Variants in NPAS3 observed in about 807,000 individuals in gnomAD.
NPAS3 encodes the protein neuronal PAS domain protein 3.
In NPAS3, 14 loss-of-function variants were observed where a neutral mutation model predicts 73.1. That is an observed-to-expected ratio of 0.19 (90% confidence interval 0.13 to 0.30). NPAS3 has a LOEUF of 0.30. Ranked by LOEUF, NPAS3 falls within the 10% of genes least tolerant of loss-of-function variation. NPAS3 has a pLI of 1.00. For synonymous variants in NPAS3, 620 were observed against 541.5 expected, an observed-to-expected ratio of 1.14 and a Z score of -2.01; for missense variants, 1,096 against 1,250.0, an observed-to-expected ratio of 0.88 and a Z score of 1.86.
intron 4 of NPAS3, among the ~76,000 whole-genome samples, chr14:33,513,775 GT>G (rs139828883): frequency 6.6e-6 from 1 of 151,914 alleles, no homozygotes; most frequent in Non-Finnish European, 1.5e-5. Flanking sequence ...TTGCTGCAGA[GT>G]TTTTTTGACA....
intron 4 of NPAS3, among the ~76,000 whole-genome samples, chr14:33,527,189 C>T (rs1483612657): frequency 6.6e-6 from 1 of 152,158 alleles, no homozygotes; most frequent in East Asian, 1.9e-4. Flanking sequence ...TCTCCGTCTT[C>T]CCTAGTAGCT....
At chr14:33,291,522 A>C (rs1018977194) in intron 3 of NPAS3, among the ~76,000 whole-genome samples, 1 of 152,224 alleles carries the variant, frequency 6.6e-6, no homozygotes, top group Non-Finnish European at 1.5e-5. Context: ...CAAGATGAGG[A>C]TGAAAGAAAT....
chr14:33,046,371 C>T (rs1054173676), intron 1 of NPAS3, among the ~76,000 whole-genome samples: 1 of 152,118 alleles, frequency 6.6e-6, no homozygotes, highest in African/African-American at 2.4e-5. Flanking sequence ...GTGGTCTCAC[C>T]AAACTTGCAT....
In NPAS3 at chr14:33,315,024, A is replaced by G. The variant is rs559238995; in HGVS notation, c.386-52162A>G. 5.3e-5 allele frequency among the ~76,000 whole-genome samples: 8 copies of G among 152,238 alleles called. No individual in the cohort carries two copies. The East Asian group carries it at 1.5e-3, about 29-fold the overall frequency. ...TAAGTTCATATCATCAAAGGGCAAC[A>G]TGGCATGATTAATAATTATCTGTGT... On this transcript the variant is annotated intron_variant, in intron 3 of 11. Transcript: ENST00000356141.
At chr14:33,021,870 T>C (rs981703083) in intron 1 of NPAS3, among the ~76,000 whole-genome samples, 1 of 152,214 alleles carries the variant, frequency 6.6e-6, no homozygotes, top group Non-Finnish European at 1.5e-5. Context: ...ACTGTTACCA[T>C]TGATGACGAA....
At chr14:33,524,711 G>A (rs1304682845) in intron 4 of NPAS3, among the ~76,000 whole-genome samples, 1 of 152,136 alleles carries the variant, frequency 6.6e-6, no homozygotes, top group Non-Finnish European at 1.5e-5. Context: ...GTGAGATTAA[G>A]GTGCTGGCAG....
At chr14:33,803,225 C>T (rs137989870), downstream of NPAS3, 20 of 152,130 alleles carry the variant, frequency 1.3e-4, no homozygotes, top group African/African-American at 4.8e-4. Context: ...ACAGAAAATT[C>T]TTTCAAAGGT....
At chr14:33,726,720 GTAACTGAACGAA>G (rs1403580163) in intron 6 of NPAS3, among the ~76,000 whole-genome samples, 1 of 152,144 alleles carries the variant, frequency 6.6e-6, no homozygotes, top group Non-Finnish European at 1.5e-5. Flanking sequence ...TAGTTACTCA[GTAACTGAACGAA>G]TAACTGAACA....
intron 5 of NPAS3, among the ~76,000 whole-genome samples, chr14:33,605,435 T>A (rs957377674): frequency 7.0e-6 from 1 of 142,652 alleles, no homozygotes; most frequent in East Asian, 2.1e-4. Flanking sequence ...TTACTTAAAA[T>A]ATGATCATCT....
intron 5 of NPAS3, among the ~76,000 whole-genome samples, chr14:33,571,835 A>G (rs1272297755): frequency 4.6e-5 from 7 of 152,234 alleles, no homozygotes; most frequent in Admixed American, 6.5e-5. Flanking sequence ...CTCGAAATTG[A>G]AAGGCTTTTG....
At chr14:33,292,649 G>A (rs2042147270) in intron 3 of NPAS3, among the ~76,000 whole-genome samples, 2 of 152,094 alleles carry the variant, frequency 1.3e-5, no homozygotes, top group Admixed American at 1.3e-4. Flanking sequence ...GAGACTTCCT[G>A]CAAAGACGAC....
chr14:32,992,297 ATT>A (rs1220208844), intron 1 of NPAS3, among the ~76,000 whole-genome samples: 1 of 152,218 alleles, frequency 6.6e-6, no homozygotes, highest in Non-Finnish European at 1.5e-5. Context: ...TCTTTAGGTC[ATT>A]AGGTAGTAAA....
At chr14:33,529,695 C>T (rs1354522596) in intron 4 of NPAS3, among the ~76,000 whole-genome samples, 3 of 151,348 alleles carry the variant, frequency 2.0e-5, no homozygotes, top group Non-Finnish European at 4.4e-5. Flanking sequence ...AGGAAGCTGT[C>T]ATCAAAACTG....
At chr14:33,067,919 T>A (rs1271178591) in intron 2 of NPAS3, among the ~76,000 whole-genome samples, 1 of 152,236 alleles carries the variant, frequency 6.6e-6, no homozygotes, top group Non-Finnish European at 1.5e-5. Flanking sequence ...CTCTCTCTTG[T>A]CTCAAATATT....
chr14:33,464,428 C>A (rs920881258), intron 4 of NPAS3, among the ~76,000 whole-genome samples: 3 of 152,200 alleles, frequency 2.0e-5, no homozygotes, highest in African/African-American at 7.2e-5. Context: ...TGGCTATACA[C>A]TGAGCACTGA....
chr14:32,977,352 A>ACATG (rs1555313821), intron 1 of NPAS3, among the ~76,000 whole-genome samples: 3 of 134,206 alleles, frequency 2.2e-5, no homozygotes. Context: ...TTTGTCTCTG[A>ACATG]CACGCACACA....
intron 1 of NPAS3, among the ~76,000 whole-genome samples, chr14:32,969,851 A>G (rs145107711): frequency 0.011 from 1,607 of 152,264 alleles, 34 homozygotes; most frequent in African/African-American, 0.035. Context: ...GGTACACTAA[A>G]AATAATTTTT....
chr14:33,236,554 T>C (rs1191558019), intron 3 of NPAS3, among the ~76,000 whole-genome samples: 1 of 152,076 alleles, frequency 6.6e-6, no homozygotes, highest in African/African-American at 2.4e-5. Flanking sequence ...GCATCGAATA[T>C]CAGGTGCAGT....
chr14:33,440,268 T>C (rs1273596095), intron 4 of NPAS3, among the ~76,000 whole-genome samples: 2 of 152,136 alleles, frequency 1.3e-5, no homozygotes, highest in East Asian at 3.9e-4. Context: ...CACTGGACCA[T>C]GTTCCCTTTC....
Sources: allele counts gnomAD v4.1 joint callset (sites outside exome capture counted in the v4.1 genomes callset), GRCh38; gene constraint gnomAD v4.1.1; transcripts MANE v1.5; gene names NCBI Gene and HGNC (gene_info 2026-07-23, HGNC 2026-07-21).